ANKRD11: variants seen among roughly 807,000 people sequenced by gnomAD.
ANKRD11 encodes ankyrin repeat domain 11.
Under a neutral mutation model 195.7 loss-of-function variants are expected in ANKRD11, and 17 were observed. The observed-to-expected ratio is 0.09, with a 90% CI of 0.06 to 0.13. ANKRD11 has a LOEUF of 0.13. Among genes scored for constraint, ANKRD11 ranks in the 10% least tolerant of loss-of-function variants. The pLI, the probability that ANKRD11 is intolerant of heterozygous loss-of-function variation, is 1.00. For synonymous variants in ANKRD11, 1,953 were observed against 1,528.1 expected (o/e 1.28, Z -6.49); for missense variants, 3,735 against 3,566.1 (o/e 1.05, Z -1.21).
At chr16:89,367,608 G>A (rs2040005194) in intron 2 of ANKRD11, among the ~76,000 whole-genome samples, 1 of 152,124 alleles carries the variant, frequency 6.6e-6, no homozygotes, top group Admixed American at 6.5e-5. Context: ...AGTCCACATT[G>A]CTTGGGGGCC....
At chr16:89,377,833 C>T (rs190490880) in intron 2 of ANKRD11, among the ~76,000 whole-genome samples, 2 of 152,206 alleles carry the variant, frequency 1.3e-5, no homozygotes, top group Admixed American at 1.3e-4. Context: ...ATGCGCCTGC[C>T]TCTCCTGCCT....
intron 2 of ANKRD11, among the ~76,000 whole-genome samples, chr16:89,346,273 A>G (rs2038936496): frequency 6.6e-6 from 1 of 151,022 alleles, no homozygotes; most frequent in Admixed American, 6.6e-5. Context: ...AAAAAAAAGA[A>G]TCAACACAAC....
intron 2 of ANKRD11, chr16:89,323,078 G>A (rs1567644485): frequency 1.6e-5 from 5 of 303,946 alleles, no homozygotes; most frequent in South Asian, 5.1e-5. Flanking sequence ...GATGCTTTAC[G>A]GCAACCCCTG....
intron 2 of ANKRD11, among the ~76,000 whole-genome samples, chr16:89,365,714 G>A (rs896308008): frequency 1.3e-5 from 2 of 151,866 alleles, no homozygotes; most frequent in East Asian, 1.9e-4. Context: ...GAAACCCAAC[G>A]TTTTTTTTAA....
At chr16:89,273,548 T>A (rs867026862) in intron 11 of ANKRD11, among the ~76,000 whole-genome samples, 2 of 151,944 alleles carry the variant, frequency 1.3e-5, no homozygotes, top group Middle Eastern at 3.4e-3. Context: ...AATACAAAAA[T>A]CAGCCGGGCA....
intron 2 of ANKRD11, among the ~76,000 whole-genome samples, chr16:89,371,833 A>G (rs975972306): frequency 6.6e-6 from 1 of 152,092 alleles, no homozygotes; most frequent in African/African-American, 2.4e-5. Context: ...CATGTTCCTG[A>G]GCAAACCGAG....
chr16:89,385,192 TTTTG>T (rs1233749094), intron 2 of ANKRD11, among the ~76,000 whole-genome samples: 2 of 150,140 alleles, frequency 1.3e-5, no homozygotes, highest in Admixed American at 6.6e-5. Flanking sequence ...AATGGTGTTT[TTTTG>T]TTTGTTTGTT....
chr16:89,333,398 G>C (rs897983189), intron 2 of ANKRD11, among the ~76,000 whole-genome samples: 17 of 152,142 alleles, frequency 1.1e-4, no homozygotes, highest in African/African-American at 4.1e-4. Context: ...CACGACCTCA[G>C]GGTCCACCGG....
intron 2 of ANKRD11, among the ~76,000 whole-genome samples, chr16:89,336,987 T>C (rs186291650): frequency 1.9e-5 from 2 of 105,276 alleles, no homozygotes; most frequent in East Asian, 5.5e-4. Flanking sequence ...CTGGGCAACA[T>C]GGTGAAACCC....
intron 1 of ANKRD11, among the ~76,000 whole-genome samples, chr16:89,462,489 AC>A (rs981506180): frequency 1.9e-4 from 29 of 150,314 alleles, no homozygotes; most frequent in Non-Finnish European, 3.9e-4. Flanking sequence ...CCCGGCCGCC[AC>A]CCCGTCTGGG....
At position 89,282,431 on chromosome 16, in the gene ANKRD11, C is replaced by G; in HGVS notation, c.4111G>C (p.Ala1371Pro). The part of the protein sequence containing the change: ...HDRERAKKEK[A>P]EKKEKGEDYK... The stretch of plus-strand genomic sequence containing the variant: ...TCTTCGCCCTTCTCTTTCTTCTCGG[C>G]CTTCTCTTTCTTGGCTCGCTCTCGG... Residue 1371 changes from alanine to proline, a missense_variant, in exon 9 of 13, where the codon GCC becomes CCC. Physicochemically the swap from Ala to Pro is conservative, Grantham distance 27. Coordinates refer to ENST00000301030, the MANE Select transcript of ANKRD11 (RefSeq NM_013275.6). The G allele has an allele frequency of 6.2e-7, 1 of 1,614,158 alleles. No homozygotes were observed. The highest frequency in any genetic ancestry group is 8.5e-7 in the Non-Finnish European group (1 of 1,180,028).
intron 3 of ANKRD11, among the ~76,000 whole-genome samples, chr16:89,315,046 A>T (rs2036863963): frequency 1.3e-5 from 2 of 152,088 alleles, no homozygotes; most frequent in East Asian, 1.9e-4. Context: ...CCCCACCCAC[A>T]TCACCCGTGT....
intron 2 of ANKRD11, among the ~76,000 whole-genome samples, chr16:89,334,008 A>C (rs1239363476): frequency 6.6e-6 from 1 of 151,972 alleles, no homozygotes; most frequent in Non-Finnish European, 1.5e-5. Flanking sequence ...TAAGTTTCTC[A>C]ATCTATAAAA....
Position 89,335,518 on chromosome 16 carries a change from G to A in ANKRD11, c.-59-18440C>T, listed in dbSNP as rs149119433. On this transcript the variant is annotated intron_variant, in intron 2 of 12. Coordinates refer to ENST00000301030, the MANE Select transcript of ANKRD11 (RefSeq NM_013275.6). ...TGCTCTCCCTCCTCTCCCTATGAAC[G>A]CTATACCACTCCCATGAAAGCCTGT... Among the ~76,000 whole-genome samples, 504 of 152,270 alleles carry A rather than the reference G, an allele frequency of 3.3e-3. 3 individuals are homozygous for A. The highest frequency in any genetic ancestry group is 0.014 in the Middle Eastern group (4 of 294).
At chr16:89,286,322 G>C (rs909938500) in intron 7 of ANKRD11, 136 bp from the exon 8 acceptor site, 1 of 1,288,886 alleles carries the variant, frequency 7.8e-7, no homozygotes, top group Non-Finnish European at 1.1e-6. Flanking sequence ...GAGGGTGTGG[G>C]AGCCGAGCGC....
chr16:89,360,452 G>C (rs2039680905), intron 2 of ANKRD11: 1 of 152,066 alleles, frequency 6.6e-6, no homozygotes, highest in African/African-American at 2.4e-5. Flanking sequence ...ATTACACATA[G>C]CAAAATTCTG....
At chr16:89,444,175 T>G (rs114707952) in intron 1 of ANKRD11, among the ~76,000 whole-genome samples, 5 of 152,118 alleles carry the variant, frequency 3.3e-5, no homozygotes, top group Admixed American at 2.6e-4. Context: ...TCAAAACAGG[T>G]AGATACTGAT....
chr16:89,403,383 G>A (rs2152174893), intron 2 of ANKRD11, among the ~76,000 whole-genome samples: 1 of 152,262 alleles, frequency 6.6e-6, no homozygotes, highest in East Asian at 1.9e-4. Context: ...TCTGTCTGAG[G>A]ATAGGAAGCA....
At chr16:89,310,797 C>T (rs1217597310) in intron 3 of ANKRD11, among the ~76,000 whole-genome samples, 1 of 152,244 alleles carries the variant, frequency 6.6e-6, no homozygotes. Context: ...GAACACCATG[C>T]TACGCTCACT....
Sources: gnomAD v4.1 joint callset for allele counts (sites outside exome capture counted in the v4.1 genomes callset) on GRCh38, gnomAD v4.1.1 for gene constraint, MANE v1.5 for transcripts, NCBI Gene and HGNC (gene_info 2026-07-23, HGNC 2026-07-21) for gene names.